HPSE2: variants seen among roughly 807,000 people sequenced by gnomAD.
HPSE2 encodes inactive heparanase-2.
In HPSE2, 38 loss-of-function variants were observed where a neutral mutation model predicts 60.5. The observed-to-expected ratio is 0.63, with a 90% confidence interval of 0.48 to 0.82. The LOEUF (loss-of-function observed/expected upper bound fraction) is 0.82. Ranked by LOEUF, HPSE2 falls within the 40% of genes least tolerant of loss-of-function variation. The pLI is 0.00. For missense variants in HPSE2, 713 were observed against 740.4 expected (o/e 0.96, Z 0.43); for synonymous variants, 295 against 293.2 (o/e 1.01, Z -0.06).
At chr10:98,778,525 A>T (rs760453666) in intron 3 of HPSE2, among the ~76,000 whole-genome samples, 1 of 152,076 alleles carries the variant, frequency 6.6e-6, no homozygotes, top group Non-Finnish European at 1.5e-5. Context: ...TCCCACAGGG[A>T]AGTGGTCAGG....
At chr10:98,484,055 A>C (rs948920464) in intron 10 of HPSE2, among the ~76,000 whole-genome samples, 1 of 152,218 alleles carries the variant, frequency 6.6e-6, no homozygotes, top group Non-Finnish European at 1.5e-5. Context: ...TGAGAGGTGA[A>C]AATGGGATTT....
At chr10:99,049,978 G>A (rs1464361172) in intron 3 of HPSE2, among the ~76,000 whole-genome samples, 1 of 152,172 alleles carries the variant, frequency 6.6e-6, no homozygotes, top group Non-Finnish European at 1.5e-5. Context: ...ATAAGCACAT[G>A]AAAATATAGA....
upstream of HPSE2, among the ~76,000 whole-genome samples, chr10:99,236,148 A>T (rs923267407): frequency 8.0e-5 from 12 of 150,736 alleles, no homozygotes; most frequent in African/African-American, 2.7e-4. Context: ...TACTGCAGAC[A>T]TTTTTTAACT....
the HPSE2 span, among the ~76,000 whole-genome samples, chr10:99,308,402 CCAT>C: frequency 2.0e-5 from 1 of 49,686 alleles, no homozygotes; most frequent in African/African-American, 7.3e-5. Context: ...AAAAAGGAAA[CCAT>C]CAAAATCTCC....
intron 3 of HPSE2, among the ~76,000 whole-genome samples, chr10:98,754,926 C>T (rs1306956492): frequency 6.6e-6 from 1 of 151,754 alleles, no homozygotes; most frequent in Non-Finnish European, 1.5e-5. Flanking sequence ...CTGGTCATTA[C>T]AAAAACACAC....
intron 3 of HPSE2, chr10:99,048,380 A>T (rs1194647088): frequency 7.1e-6 from 2 of 280,104 alleles, no homozygotes; most frequent in Non-Finnish European, 1.4e-5. Context: ...AAAAAAAAAT[A>T]AGCAAGCAAA....
At chr10:99,299,198 A>G in the HPSE2 span, among the ~76,000 whole-genome samples, 3 of 151,834 alleles carry the variant, frequency 2.0e-5, no homozygotes, top group South Asian at 6.2e-4. Flanking sequence ...TTCTACTCCA[A>G]AGTCATCAGG....
At chr10:99,262,197 A>G in the HPSE2 span, among the ~76,000 whole-genome samples, 1 of 152,128 alleles carries the variant, frequency 6.6e-6, no homozygotes, top group African/African-American at 2.4e-5. Flanking sequence ...CTTCTTTTCA[A>G]GGGCGTGTTT....
chr10:98,933,531 C>G (rs1276714809), intron 3 of HPSE2, among the ~76,000 whole-genome samples: 1 of 143,444 alleles, frequency 7.0e-6, no homozygotes, highest in African/African-American at 2.8e-5. Flanking sequence ...TCTCAATGAT[C>G]TGTCTAACAC....
At chr10:98,471,852 G>A (rs972297440) in intron 11 of HPSE2, among the ~76,000 whole-genome samples, 4 of 152,130 alleles carry the variant, frequency 2.6e-5, no homozygotes, top group African/African-American at 7.2e-5. Context: ...AAATCATTCA[G>A]ATTTCTCTCA....
intron 3 of HPSE2, among the ~76,000 whole-genome samples, chr10:99,022,571 A>C (rs1490118741): frequency 6.6e-6 from 1 of 152,100 alleles, no homozygotes; most frequent in African/African-American, 2.4e-5. Context: ...TGCACAGCTC[A>C]AGGCTCCGTA....
At chr10:99,164,597 A>G (rs1405474324) in intron 2 of HPSE2, among the ~76,000 whole-genome samples, 1 of 152,026 alleles carries the variant, frequency 6.6e-6, no homozygotes, top group Non-Finnish European at 1.5e-5. Context: ...CTACTTCTAG[A>G]CCCTCTCAAG....
chr10:98,884,031 G>A (rs781731105), intron 3 of HPSE2, among the ~76,000 whole-genome samples: 3 of 152,068 alleles, frequency 2.0e-5, no homozygotes, highest in Non-Finnish European at 4.4e-5. Flanking sequence ...CTACTCCAGT[G>A]AACACAGAAG....
At chr10:98,868,603 T>G (rs1952653400) in intron 3 of HPSE2, among the ~76,000 whole-genome samples, 1 of 152,106 alleles carries the variant, frequency 6.6e-6, no homozygotes, top group Non-Finnish European at 1.5e-5. Flanking sequence ...CCAAAATATC[T>G]CATGTACCCC....
intron 7 of HPSE2, among the ~76,000 whole-genome samples, chr10:98,624,326 C>T (rs1293627891): frequency 6.6e-6 from 1 of 152,094 alleles, no homozygotes; most frequent in African/African-American, 2.4e-5. Context: ...GGTATCTGAA[C>T]TGAGAACTGA....
intron 11 of HPSE2, among the ~76,000 whole-genome samples, chr10:98,481,568 G>T (rs1941235620): frequency 6.6e-6 from 1 of 152,190 alleles, no homozygotes. Context: ...CCAGAAAAAA[G>T]AGCCAGCATG....
chr10:98,509,238 C>T (rs967931741), intron 9 of HPSE2, among the ~76,000 whole-genome samples: 21 of 151,898 alleles, frequency 1.4e-4, no homozygotes, highest in African/African-American at 4.8e-4. Flanking sequence ...CACTTGAACC[C>T]AGGAAGCGGG....
intron 5 of HPSE2, among the ~76,000 whole-genome samples, chr10:98,702,091 C>G (rs566310037): frequency 6.6e-6 from 1 of 152,094 alleles, no homozygotes; most frequent in South Asian, 2.1e-4. Flanking sequence ...CACACAGGCT[C>G]AAAATAAAGG....
At chr10:98,888,466 C>T (rs1227540198) in intron 3 of HPSE2, among the ~76,000 whole-genome samples, 1 of 152,140 alleles carries the variant, frequency 6.6e-6, no homozygotes, top group African/African-American at 2.4e-5. Context: ...CAGTGAGCTT[C>T]TATGAGAAAA....
Sources: gnomAD v4.1 joint callset for allele counts (sites outside exome capture counted in the v4.1 genomes callset) on GRCh38, gnomAD v4.1.1 for gene constraint, MANE v1.5 for transcripts, NCBI Gene and HGNC (gene_info 2026-07-23, HGNC 2026-07-21) for gene names.